MATN1: variants seen among roughly 807,000 people sequenced by gnomAD.
The protein encoded by MATN1 is matrilin 1.
MATN1 carries 34 observed loss-of-function variants against 41.3 expected under a neutral mutation model. That is an observed-to-expected ratio of 0.82 (90% CI 0.63 to 1.10). The LOEUF is 1.10. MATN1 is among the 50% of genes least tolerant of loss of function. The pLI, the probability that MATN1 is intolerant of heterozygous loss-of-function variation, is 0.00. For synonymous variants in MATN1, 264 were observed against 278.7 expected, an observed-to-expected ratio of 0.95 and a Z score of 0.53; for missense variants, 602 against 662.4, an observed-to-expected ratio of 0.91 and a Z score of 1.00.
intron 2 of MATN1, chr1:30,720,728 T>A (rs1043363169): frequency 6.6e-6 from 1 of 152,414 alleles, no homozygotes; most frequent in Non-Finnish European, 1.5e-5. Context: ...ACACCTGGCT[T>A]AGCCTCAGGT....
intron 6 of MATN1, among the ~76,000 whole-genome samples, chr1:30,714,864 C>T (rs1043690062): frequency 6.6e-6 from 1 of 152,204 alleles, no homozygotes; most frequent in African/African-American, 2.4e-5. Context: ...GTTGTTCCAC[C>T]CCTTTGGCCT....
chr1:30,716,369 G>A (rs764100687), intron 4 of MATN1, 44 bp from the exon 5 acceptor site: 12 of 1,585,324 alleles, frequency 7.6e-6, no homozygotes, highest in Non-Finnish European at 1.0e-5. Flanking sequence ...GAAGGACATA[G>A]TCAACCATCC....
intron 3 of MATN1, among the ~76,000 whole-genome samples, chr1:30,717,641 G>GTTTTTTTTTTTTTTTTTTTTT (rs1557450696): frequency 7.3e-6 from 1 of 136,794 alleles, no homozygotes; most frequent in African/African-American, 3.0e-5. Context: ...TTGTGTGTGC[G>GTTTTTTTTTTTTTTTTTTTTT]GTTTTTTTTT....
chr1:30,714,931 G>A (rs1457725422), intron 6 of MATN1, among the ~76,000 whole-genome samples: 2 of 152,364 alleles, frequency 1.3e-5, no homozygotes, highest in South Asian at 2.1e-4. Context: ...AGGATCGGAT[G>A]ATGTAATATC....
rs78435544 is a variant in MATN1, at chr1:30,715,014, C to T, written c.1360+143G>A. On this transcript the variant is annotated intron_variant, in intron 6 of 7. Coordinates refer to ENST00000373765, the MANE Select transcript of MATN1 (RefSeq NM_002379.3). ...GTTTGCTGGTAGTAAGAGCTGTAAG[C>T]GCCAGCCCACCTTCTGGTTCTGCCA... 5.4e-4 allele frequency: 483 copies of T among 891,908 alleles called. 1 individual carries two copies. The East Asian group carries it at 0.011, about 21-fold the overall frequency. The allele number at this position is 891,908 out of a possible 1,614,324, so 55.2% of individuals were successfully genotyped here.
In MATN1 at chr1:30,715,279, T is replaced by C. The variant is rs1639601322; in HGVS notation, c.1238A>G (p.Asn413Ser). ...TTCCCTCAGCTCATCCTCCACGGCA[T>C]TGCCCACACCCACAGCAAACATCTT... is the stretch of plus-strand genomic sequence containing the variant. ...GFKMFAVGVG[N>S]AVEDELREIA... The change falls in exon 6 of 8, where the codon AAT becomes AGT. Residue 413 changes from asparagine (N) to serine (S), a missense_variant. By Grantham distance (46) the Asn-to-Ser change is conservative. Coordinates refer to ENST00000373765, the MANE Select transcript of MATN1 (RefSeq NM_002379.3). 5 of 1,614,102 alleles carry C rather than the reference T, an allele frequency of 3.1e-6. No individual in the cohort carries two copies. The South Asian group carries it at 4.4e-5, about 14-fold the overall frequency.
chr1:30,714,376 G>C lies in MATN1; in HGVS notation c.1361-49C>G, dbSNP rs200134024. On this transcript the variant is annotated intron_variant, in intron 6 of 7. Transcript: ENST00000373765. ...AAGAGAAAGGAACTGTTGAGTGGCT[G>C]CCCAGGAGGAGGGAGGACAGTCACT... 2.0e-6 allele frequency: 3 copies of C among 1,482,352 alleles called. No individual in the cohort carries two copies. The Admixed American group carries it at 5.6e-5, about 28-fold the overall frequency. The allele number at this position is 1,482,352 out of a possible 1,614,324, so 91.8% of individuals were successfully genotyped here.
chr1:30,714,743 C>T (rs893057918), intron 6 of MATN1, among the ~76,000 whole-genome samples: 9 of 152,142 alleles, frequency 5.9e-5, no homozygotes, highest in Non-Finnish European at 2.9e-5. Context: ...GGCCCAGGCA[C>T]GTCTGGCTCT....
Position 30,721,683 on chromosome 1 carries a change from C to T in MATN1, c.163G>A (p.Val55Ile). 6.2e-7 allele frequency: 1 copy of T among 1,613,274 alleles called. No individual in the cohort carries two copies. Among genetic ancestry groups the T allele is most frequent in the African/African-American group, 1.3e-5 (1 of 75,072 alleles). Residue 55 changes from valine (V) to isoleucine (I), a missense_variant, in exon 2 of 8, where the codon GTT (valine) becomes ATT (isoleucine). Physicochemically the swap from Val to Ile is conservative, Grantham distance 29. Coordinates refer to ENST00000373765, the MANE Select transcript of MATN1 (RefSeq NM_002379.3). ...AATACCTTCACTTTCTCAAATTCAA[C>T]AGGCCGAACGCTGCGAGAGCTGTCG... ...VVDSSRSVRPVEFEKVKVFLS... is the reference protein window; with the variant it reads ...VVDSSRSVRPIEFEKVKVFLS...
chr1:30,718,016 C>T (rs1007953846), intron 3 of MATN1, among the ~76,000 whole-genome samples: 1 of 152,208 alleles, frequency 6.6e-6, no homozygotes, highest in Admixed American at 6.5e-5. Context: ...GACCCTCCTC[C>T]GTTATCAGGC....
At chr1:30,715,443 C>A in intron 5 of MATN1, 134 bp from the exon 6 acceptor site, 1 of 767,338 alleles carries the variant, frequency 1.3e-6, no homozygotes, top group South Asian at 1.7e-5. Context: ...AAGCACAATG[C>A]CTGGAACAAG....
intron 2 of MATN1, 146 bp downstream of exon 2, chr1:30,721,259 A>T: frequency 1.3e-6 from 1 of 788,518 alleles, no homozygotes; most frequent in East Asian, 2.5e-5. Context: ...CTGTCTAATG[A>T]CCGCCCCTCT....
At chr1:30,716,955 T>C (rs2124154109) in intron 3 of MATN1, 40 bp from the exon 4 acceptor site, 1 of 1,582,786 alleles carries the variant, frequency 6.3e-7, no homozygotes, top group Non-Finnish European at 8.6e-7. Context: ...ACAGTCATAG[T>C]GCCTTGGGCA....
chr1:30,715,397 C>A, intron 5 of MATN1, 88 bp from the exon 6 acceptor site: 1 of 1,277,576 alleles, frequency 7.8e-7, no homozygotes, highest in South Asian at 1.3e-5. Context: ...AGGCAGCCAA[C>A]ACCAGACACC....
At chr1:30,716,704 G>T in intron 4 of MATN1, 86 bp downstream of exon 4, 1 of 1,545,854 alleles carries the variant, frequency 6.5e-7, no homozygotes, top group Non-Finnish European at 8.7e-7. Context: ...GTATGGTGCA[G>T]GGAGGCTTGA....
chr1:30,715,842 G>GC, intron 5 of MATN1, 67 bp downstream of exon 5: 22 of 1,497,208 alleles, frequency 1.5e-5, no homozygotes, highest in Non-Finnish European at 2.0e-5. Context: ...ATAAACTACA[G>GC]TTGGGCTATA....
chr1:30,714,449 G>C (rs1488778834), intron 6 of MATN1, 122 bp from the exon 7 acceptor site: 1 of 742,454 alleles, frequency 1.3e-6, no homozygotes, highest in East Asian at 2.7e-5. Context: ...GGGCTTAAGG[G>C]ACCTGAGGAG....
Position 30,712,381 on chromosome 1 carries a change from G to C in MATN1, c.*1201C>G, listed in dbSNP as rs868223729. 3 of 152,312 alleles carry C rather than the reference G, an allele frequency of 2.0e-5. No individual in the cohort carries two copies. The highest frequency in any genetic ancestry group is 7.2e-5 in the African/African-American group (3 of 41,408). 9.4% of individuals were successfully genotyped at this position (152,312 alleles called of 1,614,324 possible). On this transcript the variant is annotated 3_prime_UTR_variant, in exon 8 of 8. Coordinates refer to ENST00000373765, the MANE Select transcript of MATN1 (RefSeq NM_002379.3). ...GTGCAGTCTCTGAGGTGGGGCTGCT[G>C]CCATCTGCGTTGGGGACTTTGGGTT... is the stretch of plus-strand genomic sequence containing the variant.
In MATN1 at chr1:30,713,493, C is replaced by T. The variant is rs1034659675; in HGVS notation, c.*89G>A. ...GCACACCCAGACACACCCCCTCCCA[C>T]CCCCGGGCTGGCTTCCCTCACTAAA... On this transcript the variant is annotated 3_prime_UTR_variant, in exon 8 of 8. Coordinates refer to ENST00000373765, the MANE Select transcript of MATN1 (RefSeq NM_002379.3). The T allele has an allele frequency of 1.5e-5, 20 of 1,361,798 alleles. No individual in the cohort carries two copies. The African/African-American group carries it at 2.2e-4, about 15-fold the overall frequency. 84.4% of individuals were successfully genotyped at this position (1,361,798 alleles called of 1,614,324 possible).
Sources: allele counts gnomAD v4.1 joint callset (sites outside exome capture counted in the v4.1 genomes callset), GRCh38; gene constraint gnomAD v4.1.1; transcripts MANE v1.5; gene names NCBI Gene and HGNC (gene_info 2026-07-23, HGNC 2026-07-21).